SLC44A3: variants seen among roughly 807,000 people sequenced by gnomAD.
SLC44A3 encodes solute carrier family 44 member 3.
Under a neutral mutation model 75.4 loss-of-function variants are expected in SLC44A3, and 74 were observed. The observed-to-expected ratio is 0.98, with a 90% confidence interval of 0.81 to 1.19. The LOEUF (loss-of-function observed/expected upper bound fraction) is 1.19. Among genes scored for constraint, SLC44A3 ranks in the 50% most tolerant of loss-of-function variants. SLC44A3 has a pLI of 0.00. For synonymous variants in SLC44A3, 310 were observed against 296.9 expected (o/e 1.04, Z -0.45); for missense variants, 700 against 778.6 (o/e 0.90, Z 1.20).
At chr1:94,894,356 A>AAAG (rs1464797019) in intron 14 of SLC44A3, among the ~76,000 whole-genome samples, 3 of 152,178 alleles carry the variant, frequency 2.0e-5, no homozygotes, top group Non-Finnish European at 4.4e-5. Flanking sequence ...TTATCTGCCT[A>AAAG]AAGTCCAGAC....
intron 12 of SLC44A3, among the ~76,000 whole-genome samples, chr1:94,879,823 T>C (rs1207000556): frequency 1.5e-5 from 2 of 131,024 alleles, no homozygotes; most frequent in Non-Finnish European, 3.1e-5. Context: ...TGGGCAACAG[T>C]GCAAGATTCT....
chr1:94,867,598 T>C (rs1262757167), intron 12 of SLC44A3, among the ~76,000 whole-genome samples, 181 bp downstream of exon 12: 1 of 152,228 alleles, frequency 6.6e-6, no homozygotes, highest in Non-Finnish European at 1.5e-5. Flanking sequence ...AAAGCAGCCA[T>C]AGGTAAAATG....
chr1:94,845,549 A>G (rs1664299122), intron 9 of SLC44A3, 85 bp downstream of exon 9: 1 of 1,318,102 alleles, frequency 7.6e-7, no homozygotes, highest in South Asian at 1.5e-5. Flanking sequence ...TTCTGTAGGC[A>G]CCTAACCCCT....
At chr1:94,823,458 G>T (rs1271223260) in intron 2 of SLC44A3, among the ~76,000 whole-genome samples, 3 of 152,310 alleles carry the variant, frequency 2.0e-5, no homozygotes, top group East Asian at 3.9e-4. Context: ...TCCCCAGGAG[G>T]TCTGCAGCCC....
intron 8 of SLC44A3, among the ~76,000 whole-genome samples, chr1:94,843,765 A>G (rs988095423): frequency 1.3e-5 from 2 of 151,300 alleles, no homozygotes; most frequent in African/African-American, 4.9e-5. Flanking sequence ...CTTTCTCCAG[A>G]GGCACTGGGG....
intron 13 of SLC44A3, 59 bp downstream of exon 13, chr1:94,891,326 A>T: frequency 6.5e-7 from 1 of 1,527,578 alleles, no homozygotes; most frequent in East Asian, 2.3e-5. Flanking sequence ...CCATACAACA[A>T]TTGGTTTGAA....
chr1:94,867,863 T>C (rs7537099), intron 12 of SLC44A3, among the ~76,000 whole-genome samples: 5,849 of 152,286 alleles, frequency 0.038, 313 homozygotes, highest in African/African-American at 0.12. Flanking sequence ...CTTCAAATTC[T>C]AAAAGAAAGT....
At chr1:94,877,496 C>T (rs698953) in intron 12 of SLC44A3, among the ~76,000 whole-genome samples, 119,307 of 152,016 alleles carry the variant, frequency 0.78, 46,944 homozygotes, top group South Asian at 0.87. Flanking sequence ...ATACACAAGG[C>T]GGAGAAACAG....
intron 3 of SLC44A3, among the ~76,000 whole-genome samples, chr1:94,825,480 G>A (rs756599645): frequency 5.3e-5 from 8 of 152,002 alleles, no homozygotes; most frequent in Non-Finnish European, 8.8e-5. Flanking sequence ...GCAGGCGCCC[G>A]CCACCAGGCC....
chr1:94,891,625 A>G (rs1208665541), intron 13 of SLC44A3, among the ~76,000 whole-genome samples: 1 of 152,188 alleles, frequency 6.6e-6, no homozygotes, highest in Non-Finnish European at 1.5e-5. Context: ...ATATATGGAA[A>G]GAGTATTGAA....
chr1:94,820,872 G>A (rs944648662), intron 1 of SLC44A3, 77 bp from the exon 2 acceptor site: 11 of 1,382,646 alleles, frequency 8.0e-6, no homozygotes, highest in Non-Finnish European at 1.1e-5. Context: ...GCCCCTCTTC[G>A]AGTAGATTTG....
intron 9 of SLC44A3, among the ~76,000 whole-genome samples, chr1:94,848,719 C>T (rs1043652419): frequency 6.6e-6 from 1 of 152,160 alleles, no homozygotes. Context: ...ACTCTCTGCC[C>T]TCAGTACTTA....
chr1:94,872,411 C>CTT lies in SLC44A3; in HGVS notation c.1482+5004_1482+5005dup, dbSNP rs397795189. Among the ~76,000 whole-genome samples the CTT allele has an allele frequency of 1.8e-3, 260 of 147,874 alleles. 2 individuals carry two copies. The highest frequency in any genetic ancestry group is 5.7e-3 in the African/African-American group (229 of 40,520). On this transcript the variant is annotated intron_variant, in intron 12 of 14. Coordinates refer to ENST00000271227, the MANE Select transcript of SLC44A3 (RefSeq NM_001114106.3). Reference sequence around the variant, plus strand: ...GTGCCCGGCCTTTTGTTTATTCATTCTTTTTTTTTTTAAATCACTTTAAGC... The same window carrying CTT: ...GTGCCCGGCCTTTTGTTTATTCATTCTTTTTTTTTTTTTAAATCACTTTAAGC...
chr1:94,890,967 TA>T (rs1162050222), intron 12 of SLC44A3, among the ~76,000 whole-genome samples, 162 bp from the exon 13 acceptor site: 1 of 152,240 alleles, frequency 6.6e-6, no homozygotes, highest in Admixed American at 6.5e-5. Flanking sequence ...TGAAAATATA[TA>T]TGGATATAAT....
intron 13 of SLC44A3, among the ~76,000 whole-genome samples, chr1:94,891,789 G>A (rs1317183195): frequency 1.3e-5 from 2 of 152,106 alleles, no homozygotes; most frequent in African/African-American, 4.8e-5. Context: ...CGGGTGTGGT[G>A]GCGGGTGCCT....
chr1:94,828,494 G>T lies in SLC44A3; in HGVS notation c.417G>T (p.Gly139=). ...AATGTCTGTGTGTTCTGCTTCCAGG[G>T]TCCTTCCTGTGTGTTTATAGTTTGA... ...EEVQFFANTS[G]SFLCVYSLNS... Residue 139 remains glycine (G), a splice_region_variant and synonymous_variant, in exon 5 of 15, where the codon GGG becomes GGT. Transcript: ENST00000271227. 1 of 1,612,988 alleles carries T rather than the reference G, an allele frequency of 6.2e-7. No homozygotes were observed. The highest frequency in any genetic ancestry group is 8.5e-7 in the Non-Finnish European group (1 of 1,179,436).
intron 11 of SLC44A3, among the ~76,000 whole-genome samples, chr1:94,866,854 CTACAGGAT>C (rs1351765224): frequency 6.6e-6 from 1 of 152,180 alleles, no homozygotes; most frequent in Non-Finnish European, 1.5e-5. Flanking sequence ...AAAAATCTCA[CTACAGGAT>C]TTATTTCCTC....
intron 12 of SLC44A3, among the ~76,000 whole-genome samples, chr1:94,880,820 T>C (rs1361072237): frequency 1.3e-5 from 2 of 151,490 alleles, no homozygotes; most frequent in Non-Finnish European, 2.9e-5. Context: ...TGCACAACAA[T>C]GTGAATATAC....
At position 94,831,050 on chromosome 1, in the gene SLC44A3, A is replaced by G. The variant is rs75135771; in HGVS notation, c.509+2464A>G. On this transcript the variant is annotated intron_variant, in intron 5 of 14. Transcript: ENST00000271227. Reference sequence around the variant, plus strand: ...TGGCATTCAAACCCAAGCAGCGTCTATGTTTGAGTCAAGACTTGATTTTAT... The same window carrying G: ...TGGCATTCAAACCCAAGCAGCGTCTGTGTTTGAGTCAAGACTTGATTTTAT... 0.012 allele frequency among the ~76,000 whole-genome samples: 1,777 copies of G among 152,280 alleles called. 77 individuals carry two copies. The East Asian group carries it at 0.15, about 13-fold the overall frequency.
Sources: allele counts gnomAD v4.1 joint callset (sites outside exome capture counted in the v4.1 genomes callset), GRCh38; gene constraint gnomAD v4.1.1; transcripts MANE v1.5; gene names NCBI Gene and HGNC (gene_info 2026-07-23, HGNC 2026-07-21).